Variants in BCAP29 observed in about 807,000 individuals in gnomAD.
The protein encoded by BCAP29 is B cell receptor associated protein 29, also known as B-cell receptor-associated protein 29.
BCAP29 carries 34 observed loss-of-function variants against 31.8 expected under a neutral mutation model. The ratio of observed to expected loss-of-function variants is 1.07; its 90% CI spans 0.81 to 1.42. The LOEUF is 1.42. Ranked by LOEUF, BCAP29 falls within the 40% of genes most tolerant of loss-of-function variation. The pLI is 0.00. For missense variants in BCAP29, 314 were observed against 269.2 expected (o/e 1.17, Z -1.16); for synonymous variants, 104 against 91.3 (o/e 1.14, Z -0.79).
intron 4 of BCAP29, 83 bp downstream of exon 4, chr7:107,594,188 ATTTTTTT>A: frequency 5.7e-6 from 6 of 1,060,060 alleles, no homozygotes; most frequent in Non-Finnish European, 5.2e-6. Context: ...TTTACTGTAG[ATTTTTTT>A]TTTTTTTAAG....
intron 7 of BCAP29, among the ~76,000 whole-genome samples, chr7:107,617,771 A>C (rs1014087132): frequency 6.6e-6 from 1 of 152,232 alleles, no homozygotes; most frequent in East Asian, 1.9e-4. Flanking sequence ...TATACAAGCA[A>C]TAACACTCTG....
intron 7 of BCAP29, among the ~76,000 whole-genome samples, 159 bp from the exon 8 acceptor site, chr7:107,618,169 A>G (rs1473534458): frequency 6.6e-6 from 1 of 152,172 alleles, no homozygotes; most frequent in Non-Finnish European, 1.5e-5. Flanking sequence ...CACAAATTTT[A>G]TAGTTTTTTA....
intron 3 of BCAP29, among the ~76,000 whole-genome samples, chr7:107,591,589 T>C (rs958904073): frequency 2.4e-5 from 3 of 123,190 alleles, no homozygotes; most frequent in African/African-American, 1.0e-4. Flanking sequence ...GAGCTCTCTC[T>C]CTCTCTTTCT....
Position 107,580,853 on chromosome 7 carries a change from T to A in BCAP29, c.81T>A (p.Ile27=), listed in dbSNP as rs1806504158. The A allele has an allele frequency of 6.3e-7, 1 of 1,592,780 alleles. No homozygotes were observed. Among genetic ancestry groups the A allele is most frequent in the African/African-American group, 1.4e-5 (1 of 73,442 alleles). The change falls in exon 2 of 8, where the codon ATT becomes ATA. Residue 27 remains isoleucine (I), a synonymous_variant. Coordinates refer to ENST00000005259, the MANE Select transcript of BCAP29 (RefSeq NM_018844.4). ...GLILIFCLPF[I]PPQRWQKIFS... is the part of the protein sequence containing the mutation. ...TTTTAATCTTCTGCCTACCTTTTAT[T>A]CCTCCTCAGAGGTAGGAAACCTTCA...
chr7:107,584,567 G>C (rs117056527), intron 3 of BCAP29, among the ~76,000 whole-genome samples: 1 of 152,126 alleles, frequency 6.6e-6, no homozygotes, highest in African/African-American at 2.4e-5. Flanking sequence ...AATTAGCCAG[G>C]TGTGGTGATG....
intron 7 of BCAP29, among the ~76,000 whole-genome samples, chr7:107,614,623 G>C (rs911534138): frequency 1.3e-5 from 2 of 152,210 alleles, no homozygotes; most frequent in African/African-American, 4.8e-5. Flanking sequence ...CCTTGGTTTA[G>C]AGCCAGTAAT....
chr7:107,621,683 G>A (rs1265902574), downstream of BCAP29: 3 of 471,680 alleles, frequency 6.4e-6, no homozygotes, highest in Admixed American at 2.4e-5. Context: ...TGACCACAGA[G>A]GCAGAGATTG....
rs750736050 is a variant in BCAP29 at position 107,613,448 on chromosome 7, A to C, written c.690+16A>C. On this transcript the variant is annotated intron_variant, in intron 7 of 7. Transcript: ENST00000005259. The stretch of plus-strand genomic sequence containing the variant: ...TGAACTTCAGGTGGGTGTGACATGC[A>C]CTTTATGCACCTAAATGTTTTGAAA... 1 of 1,545,262 alleles carries C rather than the reference A, an allele frequency of 6.5e-7. No homozygotes were observed. Among genetic ancestry groups the C allele is most frequent in the South Asian group, 1.1e-5 (1 of 88,520 alleles).
At chr7:107,585,321 A>G (rs1353204094) in intron 3 of BCAP29, among the ~76,000 whole-genome samples, 2 of 152,186 alleles carry the variant, frequency 1.3e-5, no homozygotes, top group African/African-American at 2.4e-5. Context: ...ATGAGAAGGG[A>G]TGGTATTGTC....
At chr7:107,616,359 T>A (rs1814149750) in intron 7 of BCAP29, 2 of 152,260 alleles carry the variant, frequency 1.3e-5, no homozygotes, top group Admixed American at 1.3e-4. Context: ...CTGCTATTGA[T>A]AATCCCAGAG....
chr7:107,599,296 T>TATATATAATTTTTATATATA (rs1810652411), intron 5 of BCAP29, among the ~76,000 whole-genome samples: 1 of 107,072 alleles, frequency 9.3e-6, no homozygotes, highest in African/African-American at 4.1e-5. Context: ...TATATATAAA[T>TATATATAATTTTTATATATA]TATATATAAA....
chr7:107,619,922 A>T lies in BCAP29; in HGVS notation c.*1559A>T, dbSNP rs966078026. 6.6e-6 allele frequency: 1 copy of T among 152,216 alleles called. No individual in the cohort carries two copies. Among genetic ancestry groups the T allele is most frequent in the East Asian group, 1.9e-4 (1 of 5,204 alleles). The allele number at this position is 152,216 out of a possible 1,614,324, so 9.4% of individuals were successfully genotyped here. On this transcript the variant is annotated 3_prime_UTR_variant, in exon 8 of 8. Coordinates refer to ENST00000005259, the MANE Select transcript of BCAP29 (RefSeq NM_018844.4). ...TCCCAGCTTTATCACTTATTTAGCC[A>T]TGCTAGCCTAGGCCTCTATTTCCTT...
At chr7:107,582,331 T>C (rs1479595877) in intron 2 of BCAP29, among the ~76,000 whole-genome samples, 1 of 152,204 alleles carries the variant, frequency 6.6e-6, no homozygotes, top group Non-Finnish European at 1.5e-5. Context: ...GATATATAAA[T>C]GTGTTCTCAT....
intron 5 of BCAP29, among the ~76,000 whole-genome samples, chr7:107,596,501 T>G (rs1011269573): frequency 6.6e-6 from 1 of 152,236 alleles, no homozygotes; most frequent in African/African-American, 2.4e-5. Flanking sequence ...TTCCTTTATT[T>G]TCTATCTTTT....
intron 5 of BCAP29, among the ~76,000 whole-genome samples, chr7:107,598,476 T>A (rs2129244580): frequency 6.6e-6 from 1 of 152,324 alleles, no homozygotes; most frequent in Non-Finnish European, 1.5e-5. Context: ...AATCTCTATA[T>A]AGCACAGTAG....
chr7:107,582,343 T>A (rs1411569816), intron 2 of BCAP29, among the ~76,000 whole-genome samples: 1 of 152,242 alleles, frequency 6.6e-6, no homozygotes, highest in Non-Finnish European at 1.5e-5. Flanking sequence ...TGTTCTCATG[T>A]ACAGATATAA....
At chr7:107,595,643 A>G (rs1298497654) in intron 4 of BCAP29, among the ~76,000 whole-genome samples, 4 of 152,156 alleles carry the variant, frequency 2.6e-5, no homozygotes, top group African/African-American at 9.7e-5. Flanking sequence ...GTACCACTGA[A>G]CCTGTATTCT....
chr7:107,598,878 C>T (rs1810329764), intron 5 of BCAP29, among the ~76,000 whole-genome samples: 1 of 146,674 alleles, frequency 6.8e-6, no homozygotes, highest in Non-Finnish European at 1.5e-5. Flanking sequence ...TTAAGACCAG[C>T]CTGGGCAATA....
At chr7:107,600,605 C>G (rs1382228136) in intron 6 of BCAP29, 100 bp downstream of exon 6, 4 of 627,200 alleles carry the variant, frequency 6.4e-6, no homozygotes, top group Non-Finnish European at 1.1e-5. Context: ...CCTAAATGTT[C>G]TTCTAAGATA....
Sources: allele counts gnomAD v4.1 joint callset (sites outside exome capture counted in the v4.1 genomes callset), GRCh38; gene constraint gnomAD v4.1.1; transcripts MANE v1.5; gene names NCBI Gene and HGNC (gene_info 2026-07-23, HGNC 2026-07-21).